Variants in FBXO40 observed in about 807,000 individuals in gnomAD.
FBXO40 encodes the protein F-box protein 40.
In FBXO40, 50 loss-of-function variants were observed where a neutral mutation model predicts 49.9. The ratio of observed to expected loss-of-function variants is 1.00; its 90% CI spans 0.80 to 1.27. The LOEUF is 1.27. Among genes scored for constraint, FBXO40 ranks in the 50% most tolerant of loss-of-function variants. FBXO40 has a pLI of 0.00. For synonymous variants in FBXO40, 340 were observed against 320.2 expected, an observed-to-expected ratio of 1.06 and a Z score of -0.66; for missense variants, 895 against 870.1, an observed-to-expected ratio of 1.03 and a Z score of -0.36.
At chr3:121,619,257 C>T (rs1187699627) in intron 1 of FBXO40, among the ~76,000 whole-genome samples, 1 of 152,012 alleles carries the variant, frequency 6.6e-6, no homozygotes, top group Non-Finnish European at 1.5e-5. Flanking sequence ...AATCAACCTA[C>T]CTCAGCCTCA....
Position 121,628,146 on chromosome 3 carries a change from T to C in FBXO40, c.*1236T>C, listed in dbSNP as rs1348531623. 1.0e-5 allele frequency: 4 copies of C among 387,412 alleles called. No homozygotes were observed. Among genetic ancestry groups the C allele is most frequent in the South Asian group, 1.4e-4 (1 of 6,936 alleles). 24.0% of individuals were successfully genotyped at this position (387,412 alleles called of 1,614,324 possible). On this transcript the variant is annotated 3_prime_UTR_variant, in exon 4 of 4. Transcript: ENST00000338040. ...GCAGGGCTTCTTAGCCTTGGAACTA[T>C]TGACATTTTTAAATGGATAATTCTT...
intron 1 of FBXO40, among the ~76,000 whole-genome samples, chr3:121,597,176 G>C (rs2048876863): frequency 6.6e-6 from 1 of 152,116 alleles, no homozygotes; most frequent in African/African-American, 2.4e-5. Flanking sequence ...AAGTCTCAAG[G>C]ACCACACTTT....
At chr3:121,618,989 G>T (rs1416493860) in intron 1 of FBXO40, among the ~76,000 whole-genome samples, 5 of 150,646 alleles carry the variant, frequency 3.3e-5, no homozygotes, top group African/African-American at 2.4e-5. Context: ...AAGTAAAATG[G>T]TTTTTTGTTT....
At position 121,622,774 on chromosome 3, in the gene FBXO40, G is replaced by A. The variant is rs143267823; in HGVS notation, c.1345G>A (p.Ala449Thr). 62 of 1,614,004 alleles carry A rather than the reference G, an allele frequency of 3.8e-5. No homozygotes were observed. The highest frequency in any genetic ancestry group is 1.6e-4 in the Middle Eastern group (1 of 6,084). ...TGGGACAGTGCTGGCTGACCTAACC[G>A]CTGCCACCCCAGGGGGACTCCACGT... is the stretch of plus-strand genomic sequence containing the variant. ...SSGTVLADLT[A>T]ATPGGLHVEL... Residue 449 changes from alanine to threonine, a missense_variant, in exon 3 of 4, where the codon GCT becomes ACT. Ala to Thr is a moderately conservative substitution (Grantham distance 58, BLOSUM62 0). Coordinates refer to ENST00000338040, the MANE Select transcript of FBXO40 (RefSeq NM_016298.4).
chr3:121,600,470 A>G (rs1190487224), intron 1 of FBXO40, among the ~76,000 whole-genome samples: 1 of 152,216 alleles, frequency 6.6e-6, no homozygotes, highest in Non-Finnish European at 1.5e-5. Context: ...GATATGATCC[A>G]AAGAAGTATC....
intron 1 of FBXO40, among the ~76,000 whole-genome samples, chr3:121,617,269 C>T (rs1186844585): frequency 6.6e-6 from 1 of 152,122 alleles, no homozygotes; most frequent in Non-Finnish European, 1.5e-5. Context: ...ATCACATGCA[C>T]ACCATAAATA....
chr3:121,624,046 A>G (rs1165817107), intron 3 of FBXO40, among the ~76,000 whole-genome samples: 7 of 139,406 alleles, frequency 5.0e-5, no homozygotes, highest in Non-Finnish European at 1.1e-4. Context: ...GCTGGAGTGC[A>G]ATGGTGCAAT....
At chr3:121,612,236 A>G (rs1485483726) in intron 1 of FBXO40, among the ~76,000 whole-genome samples, 1 of 152,220 alleles carries the variant, frequency 6.6e-6, no homozygotes, top group Non-Finnish European at 1.5e-5. Context: ...CCCTGTCACC[A>G]TCTGCCAGCT....
rs547063978 is a variant in FBXO40, at chr3:121,610,787, C to T, written c.-30-9759C>T. Among the ~76,000 whole-genome samples the T allele has an allele frequency of 3.9e-5, 6 of 152,306 alleles. No individual in the cohort carries two copies. In the South Asian group the frequency reaches 1.2e-3, roughly 32 times the overall value. On this transcript the variant is annotated intron_variant, in intron 1 of 3. Coordinates refer to ENST00000338040, the MANE Select transcript of FBXO40 (RefSeq NM_016298.4). ...TCCCAAGCAGTTGGGACCACAAGCACATGCCACCACATACGGCTAATTTTT... is the reference window on the plus strand; with the variant it reads ...TCCCAAGCAGTTGGGACCACAAGCATATGCCACCACATACGGCTAATTTTT...
Position 121,627,960 on chromosome 3 carries a change from A to G in FBXO40, c.*1050A>G, listed in dbSNP as rs1331956379. The G allele has an allele frequency of 1.3e-5, 5 of 398,530 alleles. No homozygotes were observed. The highest frequency in any genetic ancestry group is 2.1e-5 in the African/African-American group (1 of 48,634). The allele number at this position is 398,530 out of a possible 1,614,324, so 24.7% of individuals were successfully genotyped here. On this transcript the variant is annotated 3_prime_UTR_variant, in exon 4 of 4. Transcript: ENST00000338040. ...GTCTTGGAGAGGAAGACATGTGAAC[A>G]TAACGGCTCCCTGAAATTGCTCCTA... is the stretch of plus-strand genomic sequence containing the variant.
At chr3:121,598,218 G>C (rs2048882469) in intron 1 of FBXO40, among the ~76,000 whole-genome samples, 6 of 152,186 alleles carry the variant, frequency 3.9e-5, no homozygotes, top group Admixed American at 2.0e-4. Flanking sequence ...GACAAGACCA[G>C]AGCAAAGTGC....
chr3:121,605,434 T>G (rs2048927291), intron 1 of FBXO40, among the ~76,000 whole-genome samples: 1 of 152,222 alleles, frequency 6.6e-6, no homozygotes, highest in South Asian at 2.1e-4. Flanking sequence ...GTTGCAGGAC[T>G]ATGGTATGTT....
In FBXO40 at chr3:121,621,865, C is replaced by A. The variant is rs746363538; in HGVS notation, c.436C>A (p.Leu146Ile). The A allele has an allele frequency of 3.1e-6, 5 of 1,614,174 alleles. No individual in the cohort carries two copies. The highest frequency in any genetic ancestry group is 1.7e-5 in the Admixed American group (1 of 60,010). ...VLFRSLKMVE[L>I]FPETREATEE... Reference sequence around the variant, plus strand: ...CTTCAGATCCTTGAAAATGGTGGAACTTTTCCCAGAAACTAGAGAGGCTAC... The same window carrying A: ...CTTCAGATCCTTGAAAATGGTGGAAATTTTCCCAGAAACTAGAGAGGCTAC... Residue 146 changes from leucine (L) to isoleucine (I), a missense_variant, in exon 3 of 4, where the codon CTT becomes ATT. Coordinates refer to ENST00000338040, the MANE Select transcript of FBXO40 (RefSeq NM_016298.4).
chr3:121,604,852 G>A (rs2048922686), intron 1 of FBXO40, among the ~76,000 whole-genome samples: 1 of 152,206 alleles, frequency 6.6e-6, no homozygotes, highest in Admixed American at 6.5e-5. Context: ...CTAACAGATG[G>A]TAGGAAGAGT....
intron 1 of FBXO40, among the ~76,000 whole-genome samples, chr3:121,604,451 A>G (rs1387301273): frequency 6.6e-6 from 1 of 152,216 alleles, no homozygotes; most frequent in Non-Finnish European, 1.5e-5. Context: ...AAAATCCACA[A>G]CATAAAGCTA....
rs932277022 is a variant in FBXO40 at position 121,616,487 on chromosome 3, C to T, written c.-30-4059C>T. Among the ~76,000 whole-genome samples, 7 of 152,268 alleles carry T rather than the reference C, an allele frequency of 4.6e-5. No homozygotes were observed. The East Asian group carries it at 5.8e-4, about 13-fold the overall frequency. Reference sequence around the variant, plus strand: ...GATTGAGCACTTGAAATGTGGCTAACGTGACTGAGAAACTGAATTATTCAT... The same window carrying T: ...GATTGAGCACTTGAAATGTGGCTAATGTGACTGAGAAACTGAATTATTCAT... On this transcript the variant is annotated intron_variant, in intron 1 of 3. Coordinates refer to ENST00000338040, the MANE Select transcript of FBXO40 (RefSeq NM_016298.4).
In FBXO40 at chr3:121,615,660, G is replaced by T. The variant is rs77704967; in HGVS notation, c.-30-4886G>T. 2.5e-4 allele frequency among the ~76,000 whole-genome samples: 38 copies of T among 152,130 alleles called. No individual in the cohort carries two copies. The East Asian group carries it at 6.2e-3, about 25-fold the overall frequency. ...AAATGGGCAGATGTGCTCACTAAAG[G>T]TAGCAGCTGTCAGTGTTATTGAACA... On this transcript the variant is annotated intron_variant, in intron 1 of 3. Transcript: ENST00000338040.
In FBXO40 at chr3:121,623,306, A is replaced by G; in HGVS notation, c.1877A>G (p.Tyr626Cys). Residue 626 changes from tyrosine (Y) to cysteine (C), a missense_variant, in exon 3 of 4, where the codon TAT becomes TGT. Tyr to Cys is a radical substitution (Grantham distance 194). Coordinates refer to ENST00000338040, the MANE Select transcript of FBXO40 (RefSeq NM_016298.4). ...CTTTTGCAATGGAAGAAAAAGAGGTATTCCCATGGAGGCACCTCCTGGAGA... is the reference window on the plus strand; with the variant it reads ...CTTTTGCAATGGAAGAAAAAGAGGTGTTCCCATGGAGGCACCTCCTGGAGA... ...MVLLQWKKKR[Y>C]SHGGTSWRVH... 1 of 1,614,242 alleles carries G rather than the reference A, an allele frequency of 6.2e-7. No individual in the cohort carries two copies. The highest frequency in any genetic ancestry group is 8.5e-7 in the Non-Finnish European group (1 of 1,180,038).
At chr3:121,600,613 A>C (rs2048896997) in intron 1 of FBXO40, among the ~76,000 whole-genome samples, 1 of 152,128 alleles carries the variant, frequency 6.6e-6, no homozygotes, top group Non-Finnish European at 1.5e-5. Context: ...CATTTTTCCC[A>C]CACCATGTGG....
Sources: gnomAD v4.1 joint callset for allele counts (sites outside exome capture counted in the v4.1 genomes callset) on GRCh38, gnomAD v4.1.1 for gene constraint, MANE v1.5 for transcripts, NCBI Gene and HGNC (gene_info 2026-07-23, HGNC 2026-07-21) for gene names.